HMG20A: variants seen among roughly 807,000 people sequenced by gnomAD.
The protein encoded by HMG20A is high mobility group 20A.
A neutral mutation model predicts 43.9 loss-of-function variants in HMG20A; 17 were observed. The ratio of observed to expected loss-of-function variants is 0.39; its 90% confidence interval spans 0.27 to 0.58. The LOEUF (loss-of-function observed/expected upper bound fraction) is 0.58. Ranked by LOEUF, HMG20A falls within the 20% of genes least tolerant of loss-of-function variation. The pLI is 0.59. For synonymous variants in HMG20A, 132 were observed against 147.5 expected (o/e 0.89, Z 0.76); for missense variants, 341 against 438.2 (o/e 0.78, Z 1.98).
Position 77,432,196 on chromosome 15 carries a change from A to G in HMG20A, c.-5+11192A>G, listed in dbSNP as rs987000034. Among the ~76,000 whole-genome samples, 6 of 152,236 alleles carry G rather than the reference A, an allele frequency of 3.9e-5. No homozygotes were observed. In the South Asian group the frequency reaches 6.2e-4, roughly 16 times the overall value. Reference sequence around the variant, plus strand: ...AAAGAAAATAACTGCCAATCTAGAAATCACGATGGCAATTAGAACACATTT... The same window carrying G: ...AAAGAAAATAACTGCCAATCTAGAAGTCACGATGGCAATTAGAACACATTT... On this transcript the variant is annotated intron_variant, in intron 1 of 9. Transcript: ENST00000336216.
intron 1 of HMG20A, among the ~76,000 whole-genome samples, chr15:77,434,280 C>T (rs983475647): frequency 6.6e-6 from 1 of 151,936 alleles, no homozygotes; most frequent in Non-Finnish European, 1.5e-5. Flanking sequence ...CTGGAAAACA[C>T]CTTTATGATC....
chr15:77,506,084 A>C, the HMG20A span, among the ~76,000 whole-genome samples: 3 of 152,134 alleles, frequency 2.0e-5, no homozygotes, highest in Admixed American at 6.5e-5. Flanking sequence ...AAAAAAAAAA[A>C]AAAAAAACCC....
chr15:77,460,088 C>A (rs1418966040), intron 2 of HMG20A, among the ~76,000 whole-genome samples: 2 of 152,102 alleles, frequency 1.3e-5, no homozygotes, highest in Admixed American at 1.3e-4. Context: ...GGGGCTGGAA[C>A]AAGGAGACCA....
chr15:77,482,493 A>G (rs1023729834), intron 9 of HMG20A: 1 of 151,832 alleles, frequency 6.6e-6, no homozygotes, highest in African/African-American at 2.4e-5. Context: ...GAGTTTAGGG[A>G]AAAAAAATCT....
chr15:77,504,283 G>A, the HMG20A span, among the ~76,000 whole-genome samples: 5 of 152,316 alleles, frequency 3.3e-5, no homozygotes, highest in Admixed American at 6.5e-5. Flanking sequence ...TTTGTCTGCC[G>A]CTCCCAGAGT....
At chr15:77,489,580 G>A (rs1168144223), downstream of HMG20A, among the ~76,000 whole-genome samples, 2 of 152,086 alleles carry the variant, frequency 1.3e-5, no homozygotes, top group Non-Finnish European at 2.9e-5. Context: ...CCCTTGCTGG[G>A]GAAAAAGAGA....
At chr15:77,442,671 G>T (rs1013489907) in intron 1 of HMG20A, among the ~76,000 whole-genome samples, 5 of 152,030 alleles carry the variant, frequency 3.3e-5, no homozygotes, top group African/African-American at 1.2e-4. Context: ...TATCTTTAAG[G>T]CATCTTTCAG....
chr15:77,475,906 G>A (rs955240682), intron 6 of HMG20A, among the ~76,000 whole-genome samples: 4 of 152,110 alleles, frequency 2.6e-5, no homozygotes, highest in Admixed American at 6.5e-5. Flanking sequence ...TGGGACTTTC[G>A]ATTGATAATT....
the HMG20A span, among the ~76,000 whole-genome samples, chr15:77,514,130 G>A: frequency 3.3e-5 from 5 of 152,118 alleles, no homozygotes; most frequent in Non-Finnish European, 5.9e-5. Flanking sequence ...TAAAATCTGT[G>A]GACACAATTT....
At chr15:77,481,391 G>T (rs1376962388) in intron 9 of HMG20A, among the ~76,000 whole-genome samples, 1 of 152,122 alleles carries the variant, frequency 6.6e-6, no homozygotes, top group Admixed American at 6.6e-5. Flanking sequence ...TCCCATTTTC[G>T]TACAGTGTTT....
chr15:77,473,384 A>G (rs925050178), intron 6 of HMG20A, among the ~76,000 whole-genome samples: 23 of 152,198 alleles, frequency 1.5e-4, no homozygotes, highest in African/African-American at 5.3e-4. Context: ...CTGTGTGCCC[A>G]GCTATCAATA....
chr15:77,470,744 TTATTC>T (rs2072799375), intron 4 of HMG20A, among the ~76,000 whole-genome samples, 161 bp from the exon 5 acceptor site: 1 of 152,232 alleles, frequency 6.6e-6, no homozygotes. Context: ...AGGTTATATT[TTATTC>T]TATTCATACA....
At chr15:77,421,805 G>A (rs2073354458) in intron 1 of HMG20A, among the ~76,000 whole-genome samples, 5 of 152,204 alleles carry the variant, frequency 3.3e-5, no homozygotes, top group Admixed American at 1.3e-4. Flanking sequence ...AGCTTCTTCA[G>A]CCTTAAAAAT....
intron 1 of HMG20A, among the ~76,000 whole-genome samples, chr15:77,428,745 G>A (rs557057256): frequency 7.2e-4 from 110 of 152,222 alleles, no homozygotes; most frequent in African/African-American, 2.5e-3. Context: ...CAGAAGGATC[G>A]CCTTAGCTCA....
chr15:77,445,527 C>A (rs1428473536), intron 1 of HMG20A, among the ~76,000 whole-genome samples: 1 of 152,192 alleles, frequency 6.6e-6, no homozygotes, highest in Non-Finnish European at 1.5e-5. Context: ...CACAATTTCA[C>A]AGATTTATCT....
the HMG20A span, among the ~76,000 whole-genome samples, chr15:77,515,873 G>A: frequency 6.6e-6 from 1 of 152,172 alleles, no homozygotes; most frequent in Admixed American, 6.5e-5. Flanking sequence ...GGGAAAGAGT[G>A]GCAGTGGATC....
intron 1 of HMG20A, among the ~76,000 whole-genome samples, chr15:77,441,447 T>C (rs1410870682): frequency 6.6e-6 from 1 of 152,198 alleles, no homozygotes; most frequent in Non-Finnish European, 1.5e-5. Flanking sequence ...TAATTAAATA[T>C]ACTGTTTCTC....
chr15:77,443,289 T>C (rs2142297777), intron 1 of HMG20A, among the ~76,000 whole-genome samples: 1 of 150,890 alleles, frequency 6.6e-6, no homozygotes, highest in South Asian at 2.1e-4. Context: ...CACCTCGGCC[T>C]CCCAACACTT....
chr15:77,477,526 T>G (rs1434335874), intron 6 of HMG20A, 29 bp from the exon 7 acceptor site: 11 of 1,481,248 alleles, frequency 7.4e-6, no homozygotes, highest in Non-Finnish European at 9.4e-6. Context: ...CTATTAAGAA[T>G]TAACTGTTTT....
Sources: gnomAD v4.1 joint callset for allele counts (sites outside exome capture counted in the v4.1 genomes callset) on GRCh38, gnomAD v4.1.1 for gene constraint, MANE v1.5 for transcripts, NCBI Gene and HGNC (gene_info 2026-07-23, HGNC 2026-07-21) for gene names.